CADPS2: variants seen among roughly 807,000 people sequenced by gnomAD.
CADPS2 encodes the protein calcium dependent secretion activator 2.
Under a neutral mutation model 172.5 loss-of-function variants are expected in CADPS2, and 93 were observed. The observed-to-expected ratio is 0.54, with a 90% CI of 0.46 to 0.64. The LOEUF is 0.64. Ranked by LOEUF, CADPS2 falls within the 30% of genes least tolerant of loss-of-function variation. The pLI, the probability that CADPS2 is intolerant of heterozygous loss-of-function variation, is 0.00. For missense variants in CADPS2, 1,420 were observed against 1,565.9 expected, an observed-to-expected ratio of 0.91 and a Z score of 1.57; for synonymous variants, 546 against 555.2, an observed-to-expected ratio of 0.98 and a Z score of 0.23.
At chr7:122,428,471 AT>A (rs369393609) in intron 17 of CADPS2, among the ~76,000 whole-genome samples, 29,418 of 116,788 alleles carry the variant, frequency 0.25, 3,190 homozygotes, top group Admixed American at 0.33. Flanking sequence ...ATATATATAT[AT>A]TTTTTTTTTT....
chr7:122,851,967 T>C (rs1469592997), intron 1 of CADPS2, among the ~76,000 whole-genome samples: 1 of 152,194 alleles, frequency 6.6e-6, no homozygotes, highest in African/African-American at 2.4e-5. Context: ...CACACAGACA[T>C]GGGTACTATT....
At chr7:122,817,811 A>G (rs1161878704) in intron 1 of CADPS2, among the ~76,000 whole-genome samples, 1 of 150,508 alleles carries the variant, frequency 6.6e-6, no homozygotes, top group African/African-American at 2.5e-5. Context: ...CCAATCCCTT[A>G]TTTCCATGCC....
chr7:122,541,545 C>T (rs769577074), intron 8 of CADPS2, among the ~76,000 whole-genome samples: 3 of 145,070 alleles, frequency 2.1e-5, no homozygotes, highest in Non-Finnish European at 4.5e-5. Flanking sequence ...CTTATAATTC[C>T]ATTTTTCTGT....
chr7:122,659,990 C>A (rs1049237022), intron 3 of CADPS2, among the ~76,000 whole-genome samples: 1 of 152,036 alleles, frequency 6.6e-6, no homozygotes, highest in Non-Finnish European at 1.5e-5. Flanking sequence ...TCTTGGCCTA[C>A]AAGACATGAT....
chr7:122,850,396 G>C (rs569942881), intron 1 of CADPS2: 17 of 326,094 alleles, frequency 5.2e-5, no homozygotes, highest in Non-Finnish European at 8.8e-5. Context: ...AGAGCACTGG[G>C]TTGCAGTGGA....
intron 2 of CADPS2, among the ~76,000 whole-genome samples, chr7:122,724,057 T>A (rs1165216582): frequency 6.7e-6 from 1 of 150,372 alleles, no homozygotes; most frequent in Non-Finnish European, 1.5e-5. Flanking sequence ...AGGGATAGCA[T>A]TAGGAGATAT....
At chr7:122,360,243 C>A (rs550262770) in intron 27 of CADPS2, among the ~76,000 whole-genome samples, 10 of 152,238 alleles carry the variant, frequency 6.6e-5, no homozygotes, top group Middle Eastern at 3.4e-3. Context: ...TGAACGTTCT[C>A]ATTGTAGCTA....
chr7:122,379,101 C>A, intron 25 of CADPS2: 1 of 313,658 alleles, frequency 3.2e-6, no homozygotes, highest in Non-Finnish European at 6.0e-6. Flanking sequence ...GAATGTGACA[C>A]AATAAGGTTT....
intron 14 of CADPS2, among the ~76,000 whole-genome samples, chr7:122,453,155 A>C (rs1014094636): frequency 1.3e-5 from 2 of 152,162 alleles, no homozygotes; most frequent in Non-Finnish European, 2.9e-5. Context: ...TCATATGCAA[A>C]ATAATATATC....
At chr7:122,632,638 T>G (rs1279224257) in intron 3 of CADPS2, among the ~76,000 whole-genome samples, 1 of 152,210 alleles carries the variant, frequency 6.6e-6, no homozygotes, top group African/African-American at 2.4e-5. Context: ...TCTCCCATTC[T>G]GTAGGCTGTT....
intron 9 of CADPS2, among the ~76,000 whole-genome samples, chr7:122,494,329 CA>C (rs2058560369): frequency 6.6e-6 from 1 of 151,992 alleles, no homozygotes; most frequent in African/African-American, 2.4e-5. Context: ...GAGAAGTACT[CA>C]AAGATGTATA....
intron 7 of CADPS2, among the ~76,000 whole-genome samples, chr7:122,575,170 A>G (rs1379736213): frequency 2.7e-5 from 4 of 146,812 alleles, no homozygotes; most frequent in Non-Finnish European, 3.0e-5. Context: ...ATGTCATTAT[A>G]ATAAAAGTAA....
intron 17 of CADPS2, among the ~76,000 whole-genome samples, chr7:122,430,801 GT>G (rs1190928992): frequency 2.6e-5 from 4 of 152,136 alleles, no homozygotes; most frequent in African/African-American, 9.7e-5. Context: ...GAAGTCCTTT[GT>G]TTTATTTAAC....
At chr7:122,653,300 T>C (rs1459129668) in intron 3 of CADPS2, among the ~76,000 whole-genome samples, 7 of 152,202 alleles carry the variant, frequency 4.6e-5, no homozygotes, top group African/African-American at 1.7e-4. Flanking sequence ...CTGTTACAGT[T>C]AGGAGAAGTC....
intron 25 of CADPS2, among the ~76,000 whole-genome samples, chr7:122,376,938 C>A (rs555856324): frequency 4.9e-4 from 74 of 152,128 alleles, no homozygotes; most frequent in African/African-American, 1.8e-3. Flanking sequence ...TAATTTGCAT[C>A]ATCTTTTTAA....
chr7:122,550,058 A>G (rs2064065196), intron 8 of CADPS2, among the ~76,000 whole-genome samples: 1 of 152,148 alleles, frequency 6.6e-6, no homozygotes, highest in Non-Finnish European at 1.5e-5. Context: ...CTGAATATTT[A>G]GTGTGTGAAT....
At chr7:122,321,525 G>A (rs1487978032) in intron 29 of CADPS2, among the ~76,000 whole-genome samples, 1 of 151,904 alleles carries the variant, frequency 6.6e-6, no homozygotes, top group African/African-American at 2.4e-5. Context: ...GTATCACTGT[G>A]TCATCCAGGC....
intron 25 of CADPS2, among the ~76,000 whole-genome samples, chr7:122,363,252 A>T (rs1041107271): frequency 6.6e-6 from 1 of 152,176 alleles, no homozygotes; most frequent in Non-Finnish European, 1.5e-5. Flanking sequence ...TTGTAACTCA[A>T]ATCTTGGAGC....
intron 3 of CADPS2, among the ~76,000 whole-genome samples, chr7:122,654,811 ATAG>A (rs2079552320): frequency 6.6e-6 from 1 of 152,218 alleles, no homozygotes; most frequent in Non-Finnish European, 1.5e-5. Flanking sequence ...GCTACCACAG[ATAG>A]TGATGGATTA....
Sources: gnomAD v4.1 joint callset for allele counts (sites outside exome capture counted in the v4.1 genomes callset) on GRCh38, gnomAD v4.1.1 for gene constraint, MANE v1.5 for transcripts, NCBI Gene and HGNC (gene_info 2026-07-23, HGNC 2026-07-21) for gene names.